CNTN1: variants seen among roughly 807,000 people sequenced by gnomAD.
CNTN1 encodes contactin-1.
Under a neutral mutation model 126.4 loss-of-function variants are expected in CNTN1, and 38 were observed. The ratio of observed to expected loss-of-function variants is 0.30; its 90% CI spans 0.23 to 0.39. The LOEUF (loss-of-function observed/expected upper bound fraction) is 0.39, where lower values mean the gene tolerates loss of function less well. CNTN1 is among the 10% of genes least tolerant of loss of function. CNTN1 has a pLI of 1.00. For missense variants in CNTN1, 1,009 were observed against 1,248.4 expected (o/e 0.81, Z 2.89); for synonymous variants, 413 against 422.6 (o/e 0.98, Z 0.28).
intron 1 of CNTN1, among the ~76,000 whole-genome samples, chr12:40,764,709 C>T (rs117569421): frequency 1.3e-5 from 2 of 151,998 alleles, no homozygotes; most frequent in African/African-American, 2.4e-5. Flanking sequence ...CTAATAAAGT[C>T]GAGGGAAAAA....
intron 23 of CNTN1, among the ~76,000 whole-genome samples, chr12:41,035,693 T>C (rs1949243676): frequency 2.0e-5 from 3 of 152,156 alleles, no homozygotes; most frequent in South Asian, 2.1e-4. Context: ...GAAGGTGATG[T>C]AGGCTGAAAT....
chr12:40,923,090 A>G (rs1945509738), intron 5 of CNTN1, among the ~76,000 whole-genome samples: 1 of 151,982 alleles, frequency 6.6e-6, no homozygotes, highest in Non-Finnish European at 1.5e-5. Flanking sequence ...CACATATTGC[A>G]ACATAATGTC....
chr12:40,848,513 C>T (rs1467557926), intron 1 of CNTN1, among the ~76,000 whole-genome samples: 1 of 152,094 alleles, frequency 6.6e-6, no homozygotes, highest in Non-Finnish European at 1.5e-5. Flanking sequence ...TAGCATCTAG[C>T]CCCTCACTTG....
intron 1 of CNTN1, among the ~76,000 whole-genome samples, chr12:40,745,257 C>T (rs754964264): frequency 2.6e-5 from 4 of 152,014 alleles, no homozygotes; most frequent in Non-Finnish European, 5.9e-5. Flanking sequence ...TTATTGTGAG[C>T]CAAATATGAG....
chr12:40,987,404 G>A (rs1049200336), intron 16 of CNTN1, among the ~76,000 whole-genome samples: 3 of 152,176 alleles, frequency 2.0e-5, no homozygotes, highest in Non-Finnish European at 4.4e-5. Flanking sequence ...CAGACAGCTT[G>A]ATGCTGTTCC....
rs1294103223 is a variant in CNTN1, at chr12:40,918,720, G to A, written c.176G>A (p.Gly59Glu). The A allele has an allele frequency of 6.2e-7, 1 of 1,613,682 alleles. No individual in the cohort carries two copies. Among genetic ancestry groups the A allele is most frequent in the Non-Finnish European group, 8.5e-7 (1 of 1,179,662 alleles). The change falls in exon 4 of 24, where the codon GGA becomes GAA. Residue 59 changes from glycine to glutamate, a missense_variant. Coordinates refer to ENST00000551295, the MANE Select transcript of CNTN1 (RefSeq NM_001843.4). ...ATTTATCCAGAGGAATCACTGGAAG[G>A]AAAAGTCTCACTCAACTGTAGGGCA... is the stretch of plus-strand genomic sequence containing the variant. ...NTIYPEESLE[G>E]KVSLNCRARA...
chr12:41,057,326 C>A (rs903716106), intron 23 of CNTN1, among the ~76,000 whole-genome samples: 1 of 150,642 alleles, frequency 6.6e-6, no homozygotes, highest in African/African-American at 2.4e-5. Context: ...ATTCTAAACA[C>A]AGGCTTAACT....
intron 9 of CNTN1, among the ~76,000 whole-genome samples, chr12:40,935,833 G>T (rs986636541): frequency 2.0e-5 from 3 of 151,950 alleles, no homozygotes; most frequent in Non-Finnish European, 4.4e-5. Context: ...AATGTATAAT[G>T]TTGATGGTAT....
chr12:40,988,168 G>A (rs73116958), intron 16 of CNTN1, among the ~76,000 whole-genome samples: 11,291 of 152,126 alleles, frequency 0.074, 663 homozygotes, highest in Admixed American at 0.18. Flanking sequence ...TCTAGGACCT[G>A]TAACATAAGA....
At chr12:40,869,389 G>T (rs990071000) in intron 1 of CNTN1, among the ~76,000 whole-genome samples, 1 of 151,384 alleles carries the variant, frequency 6.6e-6, no homozygotes, top group Non-Finnish European at 1.5e-5. Flanking sequence ...CAACTCAGTC[G>T]CCAGAGTAAG....
intron 7 of CNTN1, among the ~76,000 whole-genome samples, chr12:40,930,960 C>T (rs566952079): frequency 6.6e-6 from 1 of 152,008 alleles, no homozygotes; most frequent in South Asian, 2.1e-4. Flanking sequence ...GATTTTCTTT[C>T]TACTCTTCCC....
At chr12:40,756,748 A>G (rs777998182) in intron 1 of CNTN1, among the ~76,000 whole-genome samples, 5 of 152,118 alleles carry the variant, frequency 3.3e-5, no homozygotes, top group African/African-American at 4.8e-5. Flanking sequence ...TCATCATCCA[A>G]TTTGAAGTAG....
intron 1 of CNTN1, among the ~76,000 whole-genome samples, chr12:40,840,676 A>G (rs993918128): frequency 6.6e-6 from 1 of 151,992 alleles, no homozygotes; most frequent in Non-Finnish European, 1.5e-5. Flanking sequence ...AAAACTAGAA[A>G]TCAATACCAA....
At chr12:40,846,919 G>C (rs985574049) in intron 1 of CNTN1, among the ~76,000 whole-genome samples, 1 of 152,044 alleles carries the variant, frequency 6.6e-6, no homozygotes, top group African/African-American at 2.4e-5. Context: ...CCAGGCTGGA[G>C]TGCAGTGGTG....
chr12:40,747,339 C>T (rs1317703241), intron 1 of CNTN1, among the ~76,000 whole-genome samples: 2 of 61,512 alleles, frequency 3.3e-5, no homozygotes, highest in Non-Finnish European at 6.9e-5. Flanking sequence ...GTGTTAGTGA[C>T]TATTTTAGAT....
intron 1 of CNTN1, among the ~76,000 whole-genome samples, chr12:40,789,792 A>G (rs980280367): frequency 3.3e-5 from 5 of 152,126 alleles, no homozygotes; most frequent in Non-Finnish European, 5.9e-5. Context: ...ACTTTATATA[A>G]TGTGGACATT....
intron 1 of CNTN1, among the ~76,000 whole-genome samples, chr12:40,869,751 C>A (rs546941271): frequency 6.6e-6 from 1 of 152,176 alleles, no homozygotes; most frequent in South Asian, 2.1e-4. Flanking sequence ...AAACCAAACA[C>A]AAATGAACTA....
intron 1 of CNTN1, among the ~76,000 whole-genome samples, chr12:40,842,359 A>G (rs1370232057): frequency 6.6e-6 from 1 of 152,106 alleles, no homozygotes; most frequent in Non-Finnish European, 1.5e-5. Context: ...GTTAACAATA[A>G]TTTACGGTAT....
chr12:40,698,180 A>G (rs959406634), intron 1 of CNTN1, among the ~76,000 whole-genome samples: 2 of 150,558 alleles, frequency 1.3e-5, no homozygotes, highest in Non-Finnish European at 2.9e-5. Context: ...TTTGCATGAA[A>G]CCTAGCTCAG....
Sources: gnomAD v4.1 joint callset for allele counts (sites outside exome capture counted in the v4.1 genomes callset) on GRCh38, gnomAD v4.1.1 for gene constraint, MANE v1.5 for transcripts, NCBI Gene and HGNC (gene_info 2026-07-23, HGNC 2026-07-21) for gene names.